The following NBPF9 variants were observed in gnomAD, a reference collection of about 807,000 sequenced individuals.
NBPF9 encodes NBPF family member NBPF9.
A neutral mutation model predicts 97.8 loss-of-function variants in NBPF9; 91 were observed. The observed-to-expected ratio is 0.93, with a 90% CI of 0.79 to 1.11. The LOEUF is 1.11. Among genes scored for constraint, NBPF9 ranks in the 50% least tolerant of loss-of-function variants. The pLI, the probability that NBPF9 is intolerant of heterozygous loss-of-function variation, is 0.00. For synonymous variants in NBPF9, 334 were observed against 359.5 expected (o/e 0.93, Z 0.80); for missense variants, 992 against 939.5 (o/e 1.06, Z -0.73).
At chr1:149,077,395 G>C (rs782660765) in exon 11 of NBPF9, 2 of 1,609,866 alleles carry the variant, frequency 1.2e-6, no homozygotes, top group African/African-American at 2.7e-5. Context: ...CAGCGACTTT[G>C]CTCTCTTCAG....
At chr1:149,087,342 C>A (rs1309712613) in intron 5 of NBPF9, among the ~76,000 whole-genome samples, 3 of 149,630 alleles carry the variant, frequency 2.0e-5, no homozygotes, top group Non-Finnish European at 3.0e-5. Flanking sequence ...TACACACACA[C>A]ACACACACGT....
intron 12 of NBPF9, among the ~76,000 whole-genome samples, chr1:149,074,519 G>C (rs2079685574): frequency 6.6e-6 from 1 of 151,442 alleles, no homozygotes. Flanking sequence ...TGTTCTAGGA[G>C]ACTGACAAGA....
chr1:149,101,258 T>C lies in NBPF9; in HGVS notation c.-606+4A>G, dbSNP rs1302859429. On this transcript the variant is annotated splice_donor_region_variant and intron_variant, in intron 3 of 29. Transcript: ENST00000584027. ...AGAAAAGAGCTGAGTGTGGTGGTGC[T>C]CACCTGTAGGTCCCAGCTACTTGGG... The C allele has an allele frequency of 1.3e-5, 2 of 149,374 alleles. No homozygotes were observed. The highest frequency in any genetic ancestry group is 1.3e-4 in the Admixed American group (2 of 15,030). The allele number at this position is 149,374 out of a possible 1,614,324, so 9.3% of individuals were successfully genotyped here. A position where few individuals can be genotyped will look rare whatever the true frequency, so the allele number is the denominator to read the frequency against.
intron 18 of NBPF9, chr1:149,064,924 T>C (rs1164653541): frequency 1.9e-6 from 1 of 533,886 alleles, no homozygotes; most frequent in African/African-American, 1.9e-5. Flanking sequence ...GTAACTTGGT[T>C]CTACACAGTA....
Position 149,075,087 on chromosome 1 carries a change from G to C in NBPF9, c.988+568C>G, listed in dbSNP as rs587752272. On this transcript the variant is annotated intron_variant, in intron 12 of 29. Transcript: ENST00000584027. Reference sequence around the variant, plus strand: ...AGCCTCCCAAAGTGCTGGGATTACAGGAGTGAGCCACCATGCATGGCCCCT... The same window carrying C: ...AGCCTCCCAAAGTGCTGGGATTACACGAGTGAGCCACCATGCATGGCCCCT... 2.0e-5 allele frequency among the ~76,000 whole-genome samples: 3 copies of C among 151,550 alleles called. No homozygotes were observed. In the East Asian group the frequency reaches 5.8e-4, roughly 29 times the overall value.
At chr1:149,062,130 C>T (rs782599855) in exon 22 of NBPF9, 8 of 1,109,918 alleles carry the variant, frequency 7.2e-6, no homozygotes, top group South Asian at 1.3e-5. Flanking sequence ...ACTGTTCCTC[C>T]AATGAGTAAA....
exon 25 of NBPF9, chr1:149,059,712 G>A: frequency 1.7e-6 from 1 of 572,824 alleles, no homozygotes; most frequent in Non-Finnish European, 3.1e-6. Context: ...GGGGCATGGT[G>A]GGTTTTGATT....
chr1:149,097,139 AAGAG>A (rs1281835703), intron 4 of NBPF9, among the ~76,000 whole-genome samples: 1 of 151,232 alleles, frequency 6.6e-6, no homozygotes, highest in Non-Finnish European at 1.5e-5. Context: ...GGAAAGAATA[AAGAG>A]AGAGAGAAAA....
chr1:149,100,000 G>A (rs1553245602), intron 3 of NBPF9, among the ~76,000 whole-genome samples: 7 of 146,850 alleles, frequency 4.8e-5, no homozygotes, highest in Non-Finnish European at 8.9e-5. Context: ...AAAAAAAAAT[G>A]GTTCGATGTA....
At chr1:149,062,580 T>G (rs1285543455) in intron 21 of NBPF9, among the ~76,000 whole-genome samples, 5 of 139,016 alleles carry the variant, frequency 3.6e-5, no homozygotes, top group East Asian at 4.3e-4. Context: ...ACAGTGATCA[T>G]GAAAAGAGTG....
chr1:149,072,757 A>T, exon 14 of NBPF9: 1 of 1,604,354 alleles, frequency 6.2e-7, no homozygotes, highest in Non-Finnish European at 8.5e-7. Flanking sequence ...GCCAGTCTAC[A>T]CCCCTCAGCC....
At position 149,077,833 on chromosome 1, in the gene NBPF9, C is replaced by G. The variant is rs587670157; in HGVS notation, c.566+50G>C. 1,496 of 1,596,724 alleles carry G rather than the reference C, an allele frequency of 9.4e-4. 49 individuals are homozygous for G. In the Admixed American group the frequency reaches 0.013, roughly 13 times the overall value. ...TGCCAGAGAGGGTGTGCCTCCTAGA[C>G]ATCTTCATATGTTACCACCCATTAC... On this transcript the variant is annotated intron_variant, in intron 10 of 29. Transcript: ENST00000584027.
At chr1:149,075,603 G>A (rs1466577069) in intron 12 of NBPF9, 52 bp downstream of exon 12, 1 of 1,512,278 alleles carries the variant, frequency 6.6e-7, no homozygotes, top group African/African-American at 1.4e-5. Context: ...TCCTCAGAGA[G>A]AAGACAGGAC....
At chr1:149,077,948 G>A (rs3977195) in exon 10 of NBPF9, 58,688 of 1,528,096 alleles carry the variant, frequency 0.038, 1,369 homozygotes, top group South Asian at 0.059. Flanking sequence ...CCTCATCTTC[G>A]TCATTTTCTA....
intron 20 of NBPF9, 39 bp from the exon 21 acceptor site, chr1:149,062,952 G>A (rs1170360772): frequency 1.3e-6 from 1 of 772,336 alleles, no homozygotes; most frequent in Non-Finnish European, 2.3e-6. Context: ...TATTAAGCTG[G>A]TTCTCCTACA....
chr1:149,073,455 GGCACACCATTTTGA>G (rs1172469534), intron 13 of NBPF9, among the ~76,000 whole-genome samples: 2 of 142,872 alleles, frequency 1.4e-5, no homozygotes, highest in Non-Finnish European at 3.0e-5. Context: ...GGGTGGTGAT[GGCACACCATTTTGA>G]GTATACTGAA....
intron 14 of NBPF9, among the ~76,000 whole-genome samples, chr1:149,072,380 C>A (rs2079485352): frequency 6.6e-6 from 1 of 152,174 alleles, no homozygotes; most frequent in South Asian, 2.1e-4. Flanking sequence ...GCCGAAAAGA[C>A]AGCCTGGGAA....
intron 17 of NBPF9, among the ~76,000 whole-genome samples, chr1:149,068,226 T>G (rs1184369587): frequency 2.1e-5 from 3 of 140,554 alleles, no homozygotes; most frequent in Non-Finnish European, 4.5e-5. Flanking sequence ...AACTAACGGG[T>G]GAAATAACCA....
At chr1:149,077,470 T>C in intron 10 of NBPF9, 51 bp from the exon 11 acceptor site, 1 of 1,602,008 alleles carries the variant, frequency 6.2e-7, no homozygotes, top group Non-Finnish European at 8.5e-7. Context: ...ACAGAGGGAT[T>C]GGACCCCAGG....
Sources: allele counts gnomAD v4.1 joint callset (sites outside exome capture counted in the v4.1 genomes callset), GRCh38; gene constraint gnomAD v4.1.1; transcripts MANE v1.5; gene names NCBI Gene and HGNC (gene_info 2026-07-23, HGNC 2026-07-21).